TTLL11: variants seen among roughly 807,000 people sequenced by gnomAD.
The protein encoded by TTLL11 is tubulin tyrosine ligase like 11.
Under a neutral mutation model 51.7 loss-of-function variants are expected in TTLL11, and 42 were observed. That is an observed-to-expected ratio of 0.81 (90% confidence interval 0.64 to 1.05). TTLL11 has a LOEUF of 1.05. Ranked by LOEUF, TTLL11 falls within the 50% of genes least tolerant of loss-of-function variation. The pLI is 0.00. For missense variants in TTLL11, 799 were observed against 940.4 expected (o/e 0.85, Z 1.97); for synonymous variants, 381 against 383.5 (o/e 0.99, Z 0.08).
intron 8 of TTLL11, among the ~76,000 whole-genome samples, chr9:121,839,889 A>G (rs1837298693): frequency 6.6e-6 from 1 of 152,214 alleles, no homozygotes; most frequent in Non-Finnish European, 1.5e-5. Flanking sequence ...AGCTCTTCAA[A>G]GCTGGCCTGC....
At chr9:121,836,190 C>T (rs1381912741) in intron 8 of TTLL11, among the ~76,000 whole-genome samples, 1 of 152,124 alleles carries the variant, frequency 6.6e-6, no homozygotes, top group Non-Finnish European at 1.5e-5. Flanking sequence ...TATGGCAAAG[C>T]TTTGCATTTG....
At chr9:121,900,012 G>C (rs921021420) in intron 6 of TTLL11, among the ~76,000 whole-genome samples, 1 of 152,214 alleles carries the variant, frequency 6.6e-6, no homozygotes, top group African/African-American at 2.4e-5. Flanking sequence ...TAGCCAATGA[G>C]TGACAAGAAT....
In TTLL11 at chr9:121,926,073, C is replaced by T. The variant is rs563494828; in HGVS notation, c.1481+47936G>A. On this transcript the variant is annotated intron_variant, in intron 6 of 8. Transcript: ENST00000321582. ...AAGGCTCGCAGGTTATTGAGTCTCT[C>T]GAGGGGTTTTTTAATCTTTGCAGGC... 6.1e-4 allele frequency among the ~76,000 whole-genome samples: 93 copies of T among 152,272 alleles called. 1 individual carries two copies. Among genetic ancestry groups the T allele is most frequent in the Admixed American group, 5.9e-4 (9 of 15,294 alleles).
intron 4 of TTLL11, chr9:121,988,960 A>G (rs1843012109): frequency 3.4e-6 from 3 of 873,400 alleles, no homozygotes; most frequent in Admixed American, 3.2e-5. Flanking sequence ...TAAGATAGGT[A>G]TTCTTCATTT....
Position 121,822,921 on chromosome 9 carries a change from C to G in TTLL11, c.1841-42G>C. ...TGGATGAGGGGGTGCACACAGCTGC[C>G]CTACGCTGCCCTGGGAAGGCCCACC... On this transcript the variant is annotated intron_variant, in intron 8 of 8. Coordinates refer to ENST00000321582, the MANE Select transcript of TTLL11 (RefSeq NM_001139442.2). The surrounding 1 kb of genome is among the most constrained non-coding windows in gnomAD (Gnocchi z 5.8). 6.7e-7 allele frequency: 1 copy of G among 1,499,722 alleles called. No homozygotes were observed. Among genetic ancestry groups the G allele is most frequent in the Non-Finnish European group, 8.9e-7 (1 of 1,121,300 alleles). The allele number at this position is 1,499,722 out of a possible 1,614,324, so 92.9% of individuals were successfully genotyped here. A position where few individuals can be genotyped will look rare whatever the true frequency, so the allele number is the denominator to read the frequency against.
intron 7 of TTLL11, 135 bp from the exon 8 acceptor site, chr9:121,860,578 G>A (rs1837975297): frequency 2.9e-6 from 2 of 692,530 alleles, no homozygotes; most frequent in Admixed American, 2.4e-5. Context: ...CCAATGTGAT[G>A]GTGTTAGGAG....
At chr9:121,910,301 C>A (rs1564300611) in intron 6 of TTLL11, among the ~76,000 whole-genome samples, 1 of 152,216 alleles carries the variant, frequency 6.6e-6, no homozygotes, top group Non-Finnish European at 1.5e-5. Flanking sequence ...CACTCTTTCT[C>A]TCATGAGGTA....
intron 1 of TTLL11, among the ~76,000 whole-genome samples, chr9:122,085,902 C>T (rs13298188): frequency 0.2 from 30,431 of 152,160 alleles, 3,419 homozygotes; most frequent in Non-Finnish European, 0.24. Flanking sequence ...CCACATCTGT[C>T]TGATTTCAAA....
Position 121,989,425 on chromosome 9 carries a change from G to A in TTLL11, c.1039C>T (p.Leu347=), listed in dbSNP as rs754452678. The A allele has an allele frequency of 1.5e-5, 25 of 1,614,078 alleles. No individual in the cohort carries two copies. Among genetic ancestry groups the A allele is most frequent in the South Asian group, 5.5e-5 (5 of 91,082 alleles). ...ATGAAGTTGCCGCTGTGGATGTTCA[G>A]TGAATAGTTGGTTAAGTGCATAAAG... ...RIFMHLTNYS[L]NIHSGNFIHS... Residue 347 remains leucine (L), a synonymous_variant, in exon 4 of 9, where the codon CTG becomes TTG. Coordinates refer to ENST00000321582, the MANE Select transcript of TTLL11 (RefSeq NM_001139442.2). The surrounding 1 kb of genome is among the most constrained non-coding windows in gnomAD (Gnocchi z 4.2).
chr9:121,823,454 G>A (rs1271460577), intron 8 of TTLL11, among the ~76,000 whole-genome samples: 1 of 152,196 alleles, frequency 6.6e-6, no homozygotes, highest in African/African-American at 2.4e-5. Context: ...GCTAAGGCAG[G>A]AGAATTATTT....
At chr9:121,914,278 A>T (rs1588120807) in intron 6 of TTLL11, among the ~76,000 whole-genome samples, 2 of 152,336 alleles carry the variant, frequency 1.3e-5, no homozygotes, top group Non-Finnish European at 2.9e-5. Context: ...AACTGAATAG[A>T]TGTGGCAGAG....
intron 6 of TTLL11, among the ~76,000 whole-genome samples, chr9:121,941,332 G>A (rs1379552141): frequency 6.6e-6 from 1 of 152,178 alleles, no homozygotes; most frequent in Non-Finnish European, 1.5e-5. Context: ...GCTTTCCACT[G>A]GTGGACTCAC....
At chr9:121,845,917 A>C (rs570526949) in intron 8 of TTLL11, among the ~76,000 whole-genome samples, 1 of 152,338 alleles carries the variant, frequency 6.6e-6, no homozygotes, top group South Asian at 2.1e-4. Flanking sequence ...GTATCAATCC[A>C]ACTATATCAA....
intron 6 of TTLL11, among the ~76,000 whole-genome samples, chr9:121,929,207 T>A (rs953499194): frequency 1.3e-5 from 2 of 152,116 alleles, no homozygotes; most frequent in Admixed American, 6.5e-5. Flanking sequence ...TTTGGGAGGC[T>A]GAGACAGGCA....
chr9:121,943,129 G>A (rs938864022), intron 6 of TTLL11, among the ~76,000 whole-genome samples: 2 of 152,172 alleles, frequency 1.3e-5, no homozygotes, highest in African/African-American at 4.8e-5. Context: ...CCATCCGGAG[G>A]CAGGTTTGAA....
chr9:121,973,959 G>T, intron 6 of TTLL11, 50 bp downstream of exon 6: 1 of 1,404,374 alleles, frequency 7.1e-7, no homozygotes, highest in South Asian at 1.3e-5. Context: ...ATACGAAGCC[G>T]GGTTAGGAGG....
intron 6 of TTLL11, among the ~76,000 whole-genome samples, chr9:121,939,532 G>A (rs188150069): frequency 6.6e-6 from 1 of 152,096 alleles, no homozygotes; most frequent in Admixed American, 6.5e-5. Context: ...CTGGGGGTAG[G>A]GGGAGAAGGA....
chr9:122,004,160 G>C (rs1843568839), intron 3 of TTLL11, among the ~76,000 whole-genome samples: 1 of 151,934 alleles, frequency 6.6e-6, no homozygotes, highest in South Asian at 2.1e-4. Flanking sequence ...AGTACCTCAT[G>C]GTTATCTAAC....
chr9:121,901,935 C>A (rs1839791499), intron 6 of TTLL11, among the ~76,000 whole-genome samples: 1 of 152,098 alleles, frequency 6.6e-6, no homozygotes, highest in Admixed American at 6.5e-5. Flanking sequence ...CCAGCACATT[C>A]CTACATTAAA....
Sources: allele counts gnomAD v4.1 joint callset (sites outside exome capture counted in the v4.1 genomes callset), GRCh38; gene constraint gnomAD v4.1.1; non-coding constraint Gnocchi (gnomAD v3.1); transcripts MANE v1.5; gene names NCBI Gene and HGNC (gene_info 2026-07-23, HGNC 2026-07-21).